Variants in CHRM3 observed in about 807,000 individuals in gnomAD.
CHRM3 encodes cholinergic receptor muscarinic 3.
In CHRM3, 11 loss-of-function variants were observed where a neutral mutation model predicts 41.8. That is an observed-to-expected ratio of 0.26 (90% CI 0.17 to 0.44). The LOEUF (loss-of-function observed/expected upper bound fraction) is 0.44, where lower values mean the gene tolerates loss of function less well. CHRM3 is among the 20% of genes least tolerant of loss of function. The pLI, the probability that CHRM3 is intolerant of heterozygous loss-of-function variation, is 1.00. For missense variants in CHRM3, 571 were observed against 745.4 expected, an observed-to-expected ratio of 0.77 and a Z score of 2.72; for synonymous variants, 297 against 301.4, an observed-to-expected ratio of 0.99 and a Z score of 0.15.
intron 3 of CHRM3, among the ~76,000 whole-genome samples, chr1:239,580,110 T>C (rs926226380): frequency 6.6e-6 from 1 of 152,158 alleles, no homozygotes; most frequent in African/African-American, 2.4e-5. Flanking sequence ...ATAAGTACCT[T>C]GTGCATCCAT....
At chr1:239,611,491 G>A (rs1443286164) in intron 3 of CHRM3, among the ~76,000 whole-genome samples, 1 of 139,914 alleles carries the variant, frequency 7.1e-6, no homozygotes, top group East Asian at 2.4e-4. Context: ...CGCGATCTTG[G>A]CTCACTGCAA....
At chr1:239,607,127 C>T (rs1412230749) in intron 3 of CHRM3, among the ~76,000 whole-genome samples, 1 of 151,978 alleles carries the variant, frequency 6.6e-6, no homozygotes, top group African/African-American at 2.4e-5. Flanking sequence ...AAAAAATTTC[C>T]ACCTCAGAAG....
chr1:239,835,014 A>G (rs1303047956), intron 6 of CHRM3, among the ~76,000 whole-genome samples: 1 of 152,182 alleles, frequency 6.6e-6, no homozygotes. Context: ...GAATTAGTTC[A>G]TTTTCATTAC....
chr1:239,581,566 A>G (rs1662903227), intron 3 of CHRM3, among the ~76,000 whole-genome samples: 1 of 152,158 alleles, frequency 6.6e-6, no homozygotes. Context: ...CCTTTTGGGT[A>G]CTGACATGAT....
chr1:239,866,615 C>T (rs977355968), intron 6 of CHRM3, among the ~76,000 whole-genome samples: 9 of 152,170 alleles, frequency 5.9e-5, no homozygotes, highest in Admixed American at 2.0e-4. Context: ...GGCGATATTA[C>T]TGTCACATCT....
intron 3 of CHRM3, among the ~76,000 whole-genome samples, chr1:239,589,920 TA>T (rs1663922710): frequency 6.6e-6 from 1 of 152,102 alleles, no homozygotes; most frequent in East Asian, 1.9e-4. Flanking sequence ...TTAAATGCCA[TA>T]AAATGCCTTA....
At chr1:239,849,621 A>T (rs1184595081) in intron 6 of CHRM3, among the ~76,000 whole-genome samples, 1 of 152,242 alleles carries the variant, frequency 6.6e-6, no homozygotes, top group Non-Finnish European at 1.5e-5. Flanking sequence ...CTCATAGTCT[A>T]AGCTAGTAGC....
intron 1 of CHRM3, among the ~76,000 whole-genome samples, chr1:239,492,200 G>T (rs1245560142): frequency 6.6e-6 from 1 of 152,070 alleles, no homozygotes; most frequent in East Asian, 1.9e-4. Context: ...CTTCCAAAAA[G>T]TCAGCAGATA....
intron 1 of CHRM3, among the ~76,000 whole-genome samples, chr1:239,461,102 G>A (rs909728991): frequency 6.6e-6 from 1 of 152,150 alleles, no homozygotes; most frequent in African/African-American, 2.4e-5. Context: ...ATTTTGGCTT[G>A]ATTCAAGAAT....
At chr1:239,742,359 C>T (rs1664933917) in intron 5 of CHRM3, among the ~76,000 whole-genome samples, 1 of 152,132 alleles carries the variant, frequency 6.6e-6, no homozygotes, top group African/African-American at 2.4e-5. Context: ...TGGAGTCACT[C>T]CTATGAGCAC....
At chr1:239,803,806 T>A (rs867333996) in intron 5 of CHRM3, among the ~76,000 whole-genome samples, 1 of 152,176 alleles carries the variant, frequency 6.6e-6, no homozygotes, top group Non-Finnish European at 1.5e-5. Context: ...AGAGCGGGGT[T>A]CCACCAAGTG....
At chr1:239,618,761 G>C (rs190624685) in intron 3 of CHRM3, among the ~76,000 whole-genome samples, 2 of 147,664 alleles carry the variant, frequency 1.4e-5, no homozygotes, top group Non-Finnish European at 3.0e-5. Context: ...GGAGAATGGC[G>C]TGAACCCGGG....
chr1:239,454,244 G>T (rs180673214), intron 1 of CHRM3, among the ~76,000 whole-genome samples: 1 of 152,118 alleles, frequency 6.6e-6, no homozygotes, highest in African/African-American at 2.4e-5. Flanking sequence ...ATAAATTGGG[G>T]GTTCCCATGA....
intron 2 of CHRM3, among the ~76,000 whole-genome samples, chr1:239,536,625 A>G (rs1245001956): frequency 6.6e-6 from 1 of 152,206 alleles, no homozygotes; most frequent in East Asian, 1.9e-4. Context: ...AAACTAGGAA[A>G]ATATCCAAAG....
intron 6 of CHRM3, among the ~76,000 whole-genome samples, chr1:239,840,974 G>A (rs1193230336): frequency 1.3e-5 from 2 of 152,162 alleles, no homozygotes; most frequent in Non-Finnish European, 2.9e-5. Context: ...CACTGAGGAA[G>A]TGTCATAATT....
intron 5 of CHRM3, among the ~76,000 whole-genome samples, chr1:239,693,280 C>G (rs1659880133): frequency 6.6e-6 from 1 of 152,088 alleles, no homozygotes; most frequent in African/African-American, 2.4e-5. Context: ...TGCATTAAAG[C>G]CCCAACCCCC....
intron 5 of CHRM3, among the ~76,000 whole-genome samples, chr1:239,724,521 A>C (rs749480027): frequency 6.6e-6 from 1 of 151,952 alleles, no homozygotes. Context: ...TGTAAAATGC[A>C]TATATCAGTA....
Position 239,451,530 on chromosome 1 carries a change from G to A in CHRM3, c.-520-41179G>A, listed in dbSNP as rs545966022. ...GCCTCAGTTTCCCCACTGGTGTACC[G>A]GGGTAATAGCAGTGCTCACTCCACC... On this transcript the variant is annotated intron_variant, in intron 1 of 6. Coordinates refer to ENST00000676153, the MANE Select transcript of CHRM3 (RefSeq NM_001375978.1). Among the ~76,000 whole-genome samples the A allele has an allele frequency of 2.0e-4, 30 of 152,198 alleles. 1 individual carries two copies. The highest frequency in any genetic ancestry group is 6.5e-4 in the Admixed American group (10 of 15,270).
intron 1 of CHRM3, among the ~76,000 whole-genome samples, chr1:239,414,650 A>T (rs144951677): frequency 6.6e-6 from 1 of 152,328 alleles, no homozygotes; most frequent in Admixed American, 6.5e-5. Context: ...CCTTCCATTA[A>T]ATTCAGCTGA....
Sources: gnomAD v4.1 joint callset for allele counts (sites outside exome capture counted in the v4.1 genomes callset) on GRCh38, gnomAD v4.1.1 for gene constraint, MANE v1.5 for transcripts, NCBI Gene and HGNC (gene_info 2026-07-23, HGNC 2026-07-21) for gene names.